GHR: variants seen among roughly 807,000 people sequenced by gnomAD.
GHR encodes the protein growth hormone receptor.
Under a neutral mutation model 67.1 loss-of-function variants are expected in GHR, and 35 were observed. The observed-to-expected ratio is 0.52, with a 90% CI of 0.40 to 0.69. The LOEUF (loss-of-function observed/expected upper bound fraction) is 0.69. Ranked by LOEUF, GHR falls within the 30% of genes least tolerant of loss-of-function variation. The pLI, the probability that GHR is intolerant of heterozygous loss-of-function variation, is 0.00. For missense variants in GHR, 792 were observed against 764.6 expected, an observed-to-expected ratio of 1.04 and a Z score of -0.42; for synonymous variants, 272 against 269.1, an observed-to-expected ratio of 1.01 and a Z score of -0.10.
At chr5:42,481,187 C>A (rs944687747) in intron 1 of GHR, among the ~76,000 whole-genome samples, 6 of 152,106 alleles carry the variant, frequency 3.9e-5, no homozygotes, top group African/African-American at 1.4e-4. Context: ...GTTGAAAATT[C>A]TTTTCTTTAA....
At chr5:42,557,944 T>G (rs530135896) in intron 1 of GHR, among the ~76,000 whole-genome samples, 7 of 152,352 alleles carry the variant, frequency 4.6e-5, no homozygotes, top group African/African-American at 1.7e-4. Flanking sequence ...CCAGCCAGTT[T>G]GTGCTGGGTT....
At chr5:42,678,503 T>C (rs951573184) in intron 3 of GHR, among the ~76,000 whole-genome samples, 3 of 152,150 alleles carry the variant, frequency 2.0e-5, no homozygotes, top group Admixed American at 2.0e-4. Context: ...CTGATCGCCA[T>C]GCTGTCATAA....
chr5:42,616,656 G>T (rs775647204), intron 2 of GHR, among the ~76,000 whole-genome samples: 1 of 146,128 alleles, frequency 6.8e-6, no homozygotes, highest in Non-Finnish European at 1.5e-5. Flanking sequence ...CATGAGACTC[G>T]ATGAGATTCC....
At chr5:42,532,944 C>T (rs1748043884) in intron 1 of GHR, among the ~76,000 whole-genome samples, 1 of 152,060 alleles carries the variant, frequency 6.6e-6, no homozygotes, top group African/African-American at 2.4e-5. Flanking sequence ...GAGTTCTTCT[C>T]ACATATATAT....
intron 1 of GHR, among the ~76,000 whole-genome samples, chr5:42,475,003 C>T (rs1180693767): frequency 6.6e-6 from 1 of 151,320 alleles, no homozygotes; most frequent in Admixed American, 6.6e-5. Flanking sequence ...CCTGCCTCAG[C>T]CTCCCGAGTA....
intron 2 of GHR, among the ~76,000 whole-genome samples, chr5:42,593,389 A>G (rs1751894233): frequency 1.3e-5 from 2 of 152,230 alleles, no homozygotes; most frequent in African/African-American, 4.8e-5. Flanking sequence ...GTTCTTATAT[A>G]TAAATATTGA....
chr5:42,609,493 C>A (rs1484790362), intron 2 of GHR, among the ~76,000 whole-genome samples: 1 of 152,088 alleles, frequency 6.6e-6, no homozygotes, highest in Admixed American at 6.6e-5. Flanking sequence ...AGTTTCCTTC[C>A]TCTGTTTGCT....
chr5:42,521,166 G>C (rs756263101), intron 1 of GHR, among the ~76,000 whole-genome samples: 4 of 152,156 alleles, frequency 2.6e-5, no homozygotes, highest in Non-Finnish European at 5.9e-5. Flanking sequence ...GAAGCCAAGG[G>C]AATAGGACAA....
intron 3 of GHR, among the ~76,000 whole-genome samples, chr5:42,660,863 A>C (rs572868278): frequency 3.2e-4 from 48 of 152,312 alleles, no homozygotes; most frequent in Non-Finnish European, 6.0e-4. Flanking sequence ...ACTCTGAAAA[A>C]AATTTAGAAG....
At chr5:42,498,762 G>T (rs1746420140) in intron 1 of GHR, among the ~76,000 whole-genome samples, 1 of 152,246 alleles carries the variant, frequency 6.6e-6, no homozygotes, top group East Asian at 1.9e-4. Context: ...TCTCTGCAAG[G>T]GAACCTGGAA....
intron 1 of GHR, among the ~76,000 whole-genome samples, chr5:42,560,555 C>A (rs1013850481): frequency 6.6e-6 from 1 of 152,120 alleles, no homozygotes; most frequent in African/African-American, 2.4e-5. Context: ...ATAGTCTAGT[C>A]TTCACATTAA....
intron 1 of GHR, among the ~76,000 whole-genome samples, chr5:42,523,945 C>G (rs1352124317): frequency 5.9e-5 from 9 of 152,166 alleles, no homozygotes; most frequent in Non-Finnish European, 1.3e-4. Context: ...GTAAAAAGGG[C>G]CTTTTGCCCC....
intron 1 of GHR, among the ~76,000 whole-genome samples, chr5:42,560,691 C>T (rs1749557361): frequency 6.6e-6 from 1 of 152,148 alleles, no homozygotes; most frequent in Non-Finnish European, 1.5e-5. Flanking sequence ...TTCCAAAAGT[C>T]TTGTAATTGC....
chr5:42,710,771 G>T (rs765466626), intron 6 of GHR, among the ~76,000 whole-genome samples: 4 of 152,164 alleles, frequency 2.6e-5, no homozygotes, highest in Non-Finnish European at 4.4e-5. Context: ...ATCAAACACT[G>T]ATATACAACT....
chr5:42,501,010 C>T (rs2112230536), intron 1 of GHR, among the ~76,000 whole-genome samples: 1 of 152,286 alleles, frequency 6.6e-6, no homozygotes, highest in Admixed American at 6.5e-5. Context: ...TACACTGGCT[C>T]ATTATCTGGA....
At chr5:42,531,563 G>A (rs1206257429) in intron 1 of GHR, among the ~76,000 whole-genome samples, 1 of 151,714 alleles carries the variant, frequency 6.6e-6, no homozygotes, top group African/African-American at 2.4e-5. Flanking sequence ...CTGAAGCCTC[G>A]ACCTGGGCTC....
intron 1 of GHR, among the ~76,000 whole-genome samples, chr5:42,556,517 C>T (rs770602708): frequency 4.0e-5 from 6 of 151,818 alleles, no homozygotes; most frequent in African/African-American, 7.3e-5. Flanking sequence ...GAATGAGCCA[C>T]GTGTAGAAAG....
chr5:42,576,124 A>AAAATAAAATAATAAAATAAAATAAT, intron 2 of GHR, among the ~76,000 whole-genome samples: 1 of 87,722 alleles, frequency 1.1e-5, no homozygotes, highest in African/African-American at 5.5e-5. Flanking sequence ...AAAATAAAAT[A>AAAATAAAATAATAAAATAAAATAAT]AAATAAAATA....
intron 1 of GHR, among the ~76,000 whole-genome samples, chr5:42,545,140 C>G (rs2112392576): frequency 6.6e-6 from 1 of 152,204 alleles, no homozygotes; most frequent in African/African-American, 2.4e-5. Context: ...TAGCAACTTG[C>G]CCAAACTGAT....
Sources: gnomAD v4.1 joint callset for allele counts (sites outside exome capture counted in the v4.1 genomes callset) on GRCh38, gnomAD v4.1.1 for gene constraint, MANE v1.5 for transcripts, NCBI Gene and HGNC (gene_info 2026-07-23, HGNC 2026-07-21) for gene names.